Variants in LDHAL6A observed in about 807,000 individuals in gnomAD.
LDHAL6A encodes L-lactate dehydrogenase A-like 6A.
A neutral mutation model predicts 28.2 loss-of-function variants in LDHAL6A; 19 were observed. The observed-to-expected ratio is 0.67, with a 90% CI of 0.47 to 0.99. LDHAL6A has a LOEUF of 0.99. Ranked by LOEUF, LDHAL6A falls within the 50% of genes least tolerant of loss-of-function variation. LDHAL6A has a pLI of 0.00. For missense variants in LDHAL6A, 372 were observed against 398.6 expected, an observed-to-expected ratio of 0.93 and a Z score of 0.57; for synonymous variants, 144 against 134.4, an observed-to-expected ratio of 1.07 and a Z score of -0.49.
intron 2 of LDHAL6A, among the ~76,000 whole-genome samples, chr11:18,464,847 C>T (rs193087794): frequency 4.1e-4 from 62 of 152,192 alleles, no homozygotes; most frequent in South Asian, 1.2e-3. Flanking sequence ...ACGAATGAAC[C>T]AACAATTTGC....
intron 2 of LDHAL6A, among the ~76,000 whole-genome samples, chr11:18,465,313 G>A (rs1338672612): frequency 3.3e-5 from 5 of 151,894 alleles, no homozygotes; most frequent in Non-Finnish European, 2.9e-5. Flanking sequence ...AGTAGAGATG[G>A]GGTTTTGCCA....
chr11:18,457,241 C>G (rs1390504795), intron 1 of LDHAL6A, among the ~76,000 whole-genome samples: 2 of 151,882 alleles, frequency 1.3e-5, no homozygotes, highest in African/African-American at 2.4e-5. Context: ...TCTTTATTTC[C>G]CTTCGTTCCT....
At chr11:18,468,887 A>G in intron 3 of LDHAL6A, 1 of 271,508 alleles carries the variant, frequency 3.7e-6, no homozygotes, top group Non-Finnish European at 6.8e-6. Context: ...GCTTTCACAT[A>G]AATTTTGCTT....
At chr11:18,464,987 G>GGTT (rs1849022304) in intron 2 of LDHAL6A, among the ~76,000 whole-genome samples, 2 of 104,352 alleles carry the variant, frequency 1.9e-5, no homozygotes, top group African/African-American at 7.8e-5. Context: ...GTTTTTTTTT[G>GGTT]TTTTGTTTTG....
At chr11:18,473,007 T>C (rs1380887763) in intron 3 of LDHAL6A, among the ~76,000 whole-genome samples, 1 of 152,116 alleles carries the variant, frequency 6.6e-6, no homozygotes, top group Non-Finnish European at 1.5e-5. Flanking sequence ...AGCAGGACAA[T>C]CACTTTGTAG....
At chr11:18,459,253 C>T (rs545248776) in intron 1 of LDHAL6A, among the ~76,000 whole-genome samples, 33 of 152,282 alleles carry the variant, frequency 2.2e-4, no homozygotes, top group African/African-American at 6.7e-4. Flanking sequence ...TAAAAGCAGG[C>T]AGAGGAACGT....
chr11:18,478,109 G>A (rs1473919447), intron 6 of LDHAL6A, among the ~76,000 whole-genome samples: 1 of 152,144 alleles, frequency 6.6e-6, no homozygotes, highest in Admixed American at 6.5e-5. Flanking sequence ...ATCTAAGAAA[G>A]CAGCACTAGA....
rs749607764 is a variant in LDHAL6A, at chr11:18,456,695, G to C, written c.15G>C (p.Lys5Asn). 4 of 1,614,030 alleles carry C rather than the reference G, an allele frequency of 2.5e-6. No individual in the cohort carries two copies. In the South Asian group the frequency reaches 4.4e-5, roughly 18 times the overall value. Residue 5 changes from lysine to asparagine, a missense_variant, in exon 1 of 7, where the codon AAG (lysine) becomes AAC (asparagine). Lys to Asn is a moderately conservative substitution (Grantham distance 94). Coordinates refer to ENST00000280706, the MANE Select transcript of LDHAL6A (RefSeq NM_144972.5). ...AGGTTTCCAAGATGGCAACTATCAA[G>C]AGTGAACTTATTAAGAATTTCGCGG... MATI[K>N]SELIKNFAEE...
At chr11:18,458,572 GTCCTGGC>G (rs2133859460) in intron 1 of LDHAL6A, among the ~76,000 whole-genome samples, 1 of 152,260 alleles carries the variant, frequency 6.6e-6, no homozygotes, top group East Asian at 1.9e-4. Context: ...ATCTTTCCCT[GTCCTGGC>G]CCTAGACACT....
Position 18,479,539 on chromosome 11 carries a change from A to ATG in LDHAL6A, c.*670_*671insGT, listed in dbSNP as rs1196423094. 1 of 151,210 alleles carries ATG rather than the reference A, an allele frequency of 6.6e-6. No homozygotes were observed. The highest frequency in any genetic ancestry group is 1.5e-5 in the Non-Finnish European group (1 of 67,868). 9.4% of individuals were successfully genotyped at this position (151,210 alleles called of 1,614,324 possible). ...ACAATGTAAAAATAAAAGTGTATAT[A>ATG]TATACACACACACACAGAGAGTAAT... On this transcript the variant is annotated 3_prime_UTR_variant, in exon 7 of 7. Transcript: ENST00000280706.
rs1849357334 is a variant in LDHAL6A, at chr11:18,475,617, T to C, written c.570T>C (p.Leu190=). The part of the protein sequence containing the change: ...IHSESCHGLI[L]GEHGDSSVPV... ...CTGAAAGCTGTCATGGGCTGATCCT[T>C]GGAGAGCATGGCGACTCAAGTGGTA... Residue 190 remains leucine, a synonymous_variant, in exon 4 of 7, where the codon CTT becomes CTC. Transcript: ENST00000280706. The C allele has an allele frequency of 6.2e-7, 1 of 1,613,580 alleles. No individual in the cohort carries two copies. The highest frequency in any genetic ancestry group is 8.5e-7 in the Non-Finnish European group (1 of 1,179,838).
intron 3 of LDHAL6A, among the ~76,000 whole-genome samples, chr11:18,466,925 A>C (rs1849088924): frequency 6.6e-6 from 1 of 152,222 alleles, no homozygotes; most frequent in Non-Finnish European, 1.5e-5. Flanking sequence ...AGGAATAAAA[A>C]ATAACTTCGA....
At chr11:18,464,977 G>GTTTTTGTTTTTTTTT (rs1849014791) in intron 2 of LDHAL6A, among the ~76,000 whole-genome samples, 1 of 125,488 alleles carries the variant, frequency 8.0e-6, no homozygotes, top group African/African-American at 3.4e-5. Context: ...TGTTTTTTTT[G>GTTTTTGTTTTTTTTT]TTTTTTTTTG....
intron 3 of LDHAL6A, among the ~76,000 whole-genome samples, chr11:18,467,953 ATACGT>A (rs1565071240): frequency 3.9e-5 from 2 of 50,732 alleles, no homozygotes; most frequent in Non-Finnish European, 6.9e-5. Flanking sequence ...ACATATATAT[ATACGT>A]ATATATATAC....
chr11:18,461,331 G>C (rs1355001342), intron 1 of LDHAL6A, among the ~76,000 whole-genome samples: 1 of 148,660 alleles, frequency 6.7e-6, no homozygotes, highest in Non-Finnish European at 1.5e-5. Flanking sequence ...TTTTAGTAGA[G>C]ACAGGGTTTC....
chr11:18,476,281 G>GT, intron 4 of LDHAL6A, 103 bp from the exon 5 acceptor site: 1 of 1,337,934 alleles, frequency 7.5e-7, no homozygotes, highest in Non-Finnish European at 1.0e-6. Flanking sequence ...AACATTCCTA[G>GT]TTGGAAATCA....
intron 3 of LDHAL6A, chr11:18,468,941 A>G (rs1565072257): frequency 5.5e-6 from 2 of 363,088 alleles, no homozygotes; most frequent in Non-Finnish European, 9.8e-6. Flanking sequence ...TAAGAGTTTG[A>G]TTCTTTAAAA....
At position 18,478,963 on chromosome 11, in the gene LDHAL6A, G is replaced by C; in HGVS notation, c.*93G>C. 1.7e-6 allele frequency: 2 copies of C among 1,153,230 alleles called. No homozygotes were observed. Among genetic ancestry groups the C allele is most frequent in the East Asian group, 2.4e-5 (1 of 41,580 alleles). 71.4% of individuals were successfully genotyped at this position (1,153,230 alleles called of 1,614,324 possible). A position where few individuals can be genotyped will look rare whatever the true frequency, so the allele number is the denominator to read the frequency against. The stretch of plus-strand genomic sequence containing the variant: ...TTTGAATAAATTTGAATTTCTAAAA[G>C]TTGGAAAAATAGAGGAAAGAGTGAC... On this transcript the variant is annotated 3_prime_UTR_variant, in exon 7 of 7. Transcript: ENST00000280706.
intron 1 of LDHAL6A, among the ~76,000 whole-genome samples, chr11:18,460,517 C>T (rs1485378894): frequency 1.3e-5 from 2 of 148,944 alleles, no homozygotes; most frequent in Non-Finnish European, 3.0e-5. Flanking sequence ...CGCTTGAACC[C>T]GGGAGGCAGA....
Sources: gnomAD v4.1 joint callset for allele counts (sites outside exome capture counted in the v4.1 genomes callset) on GRCh38, gnomAD v4.1.1 for gene constraint, MANE v1.5 for transcripts, NCBI Gene and HGNC (gene_info 2026-07-23, HGNC 2026-07-21) for gene names.